The following LRRC37A2 variants were observed in gnomAD, a reference collection of about 807,000 sequenced individuals.
The protein encoded by LRRC37A2 is leucine-rich repeat-containing protein 37A2.
Under a neutral mutation model 68.8 loss-of-function variants are expected in LRRC37A2, and 9 were observed. The observed-to-expected ratio is 0.13, with a 90% CI of 0.08 to 0.23. LRRC37A2 has a LOEUF of 0.23. LRRC37A2 is among the 10% of genes least tolerant of loss of function. LRRC37A2 has a pLI of 1.00. For missense variants in LRRC37A2, 168 were observed against 950.4 expected (o/e 0.18, Z 10.82); for synonymous variants, 63 against 367.6 (o/e 0.17, Z 9.48).
chr17:46,821,367 C>T, the LRRC37A2 span, among the ~76,000 whole-genome samples: 4 of 152,188 alleles, frequency 2.6e-5, no homozygotes, highest in Non-Finnish European at 5.9e-5. Context: ...CTTCCTTCAA[C>T]ACAGGTTTAA....
the LRRC37A2 span, among the ~76,000 whole-genome samples, chr17:46,771,826 C>T: frequency 2.8e-5 from 4 of 143,186 alleles, no homozygotes; most frequent in Non-Finnish European, 4.6e-5. Context: ...GGCGGCCGCG[C>T]GGTGGGGGGG....
At chr17:47,029,322 A>G in the LRRC37A2 span, among the ~76,000 whole-genome samples, 1 of 152,138 alleles carries the variant, frequency 6.6e-6, no homozygotes, top group Admixed American at 6.5e-5. Context: ...GCTGTATCTT[A>G]ATTCCATATA....
At chr17:47,014,392 G>GA in the LRRC37A2 span, among the ~76,000 whole-genome samples, 1,925 of 99,378 alleles carry the variant, frequency 0.019, 37 homozygotes, top group African/African-American at 0.074. Context: ...TCCATCTCGA[G>GA]AAAAAAAAAA....
At chr17:46,793,964 T>C in the LRRC37A2 span, among the ~76,000 whole-genome samples, 1 of 152,088 alleles carries the variant, frequency 6.6e-6, no homozygotes, top group Admixed American at 6.5e-5. Flanking sequence ...CCCAGCAGAG[T>C]GCATTTATTC....
the LRRC37A2 span, chr17:46,978,620 T>C: frequency 2.6e-6 from 4 of 1,561,866 alleles, no homozygotes; most frequent in African/African-American, 2.8e-5. Flanking sequence ...GCAGCAGCGC[T>C]GGCGAGGGCG....
At chr17:46,984,381 AG>A in the LRRC37A2 span, among the ~76,000 whole-genome samples, 4 of 152,058 alleles carry the variant, frequency 2.6e-5, no homozygotes, top group Admixed American at 6.5e-5. Context: ...CCGGGCTTAG[AG>A]GGGCTCAGGA....
the LRRC37A2 span, chr17:46,764,458 C>G: frequency 6.6e-6 from 1 of 152,360 alleles, no homozygotes; most frequent in Non-Finnish European, 1.5e-5. Context: ...AGAGGGAGAG[C>G]CTCCCCGTCC....
the LRRC37A2 span, among the ~76,000 whole-genome samples, chr17:46,878,388 C>T: frequency 8.1e-4 from 123 of 152,344 alleles, 1 homozygote; most frequent in South Asian, 3.5e-3. Flanking sequence ...CCTCCAAGGG[C>T]GAGGAGGAGC....
At chr17:46,871,708 G>A in the LRRC37A2 span, among the ~76,000 whole-genome samples, 1 of 152,208 alleles carries the variant, frequency 6.6e-6, no homozygotes. Flanking sequence ...ATCAGCCTTA[G>A]AATTTGGTAG....
At chr17:46,839,968 C>CTTTCTT in the LRRC37A2 span, among the ~76,000 whole-genome samples, 1 of 136,872 alleles carries the variant, frequency 7.3e-6, no homozygotes, top group African/African-American at 2.7e-5. Context: ...TTCTTTCTTT[C>CTTTCTT]TTTCTTTCTC....
the LRRC37A2 span, among the ~76,000 whole-genome samples, chr17:46,991,283 T>A: frequency 6.6e-6 from 1 of 152,300 alleles, no homozygotes; most frequent in Non-Finnish European, 1.5e-5. Context: ...TATCTGTTGC[T>A]TACATGAGCC....
At chr17:46,819,632 C>G in the LRRC37A2 span, among the ~76,000 whole-genome samples, 4 of 152,206 alleles carry the variant, frequency 2.6e-5, no homozygotes, top group East Asian at 1.9e-4. The surrounding 1 kb of genome is among the most constrained non-coding windows in gnomAD (Gnocchi z 5.3). Flanking sequence ...GCGCCCCTCA[C>G]TGCCCGACCG....
chr17:46,836,401 A>G, the LRRC37A2 span, among the ~76,000 whole-genome samples: 18,871 of 152,020 alleles, frequency 0.12, 1,508 homozygotes, highest in East Asian at 0.39. Flanking sequence ...AGGAAAGTGG[A>G]GATGGTTCTT....
chr17:46,709,450 G>A, the LRRC37A2 span, among the ~76,000 whole-genome samples: 1 of 151,680 alleles, frequency 6.6e-6, no homozygotes, highest in Non-Finnish European at 1.5e-5. Context: ...TGTGAGGCTT[G>A]GAGTATATAA....
chr17:47,002,969 A>C, the LRRC37A2 span, among the ~76,000 whole-genome samples: 2,814 of 152,258 alleles, frequency 0.018, 42 homozygotes, highest in Middle Eastern at 0.075. Context: ...AAGCTCAAGG[A>C]AGCTGGGTGT....
chr17:47,012,562 C>A, the LRRC37A2 span, among the ~76,000 whole-genome samples: 1 of 151,850 alleles, frequency 6.6e-6, no homozygotes, highest in East Asian at 1.9e-4. Flanking sequence ...TTAAACTGGG[C>A]AAAAGTTTGG....
chr17:46,750,856 AG>A, the LRRC37A2 span, among the ~76,000 whole-genome samples: 1 of 151,986 alleles, frequency 6.6e-6, no homozygotes, highest in Non-Finnish European at 1.5e-5. Flanking sequence ...AAAAAAAAAA[AG>A]CTACAGAAGT....
At chr17:46,450,253 GTCTA>G in the LRRC37A2 span, among the ~76,000 whole-genome samples, 1 of 107,098 alleles carries the variant, frequency 9.3e-6, no homozygotes, top group African/African-American at 3.4e-5. Context: ...AACCTCCATG[GTCTA>G]TCACATATAT....
At chr17:47,024,777 G>T in the LRRC37A2 span, 3 of 755,308 alleles carry the variant, frequency 4.0e-6, no homozygotes, top group Non-Finnish European at 4.8e-6. Flanking sequence ...ATATTTATGA[G>T]TTTTTAGTCA....
Sources: allele counts gnomAD v4.1 joint callset (sites outside exome capture counted in the v4.1 genomes callset), GRCh38; gene constraint gnomAD v4.1.1; non-coding constraint Gnocchi (gnomAD v3.1); transcripts MANE v1.5; gene names NCBI Gene and HGNC (gene_info 2026-07-23, HGNC 2026-07-21).